The following NAALADL2 variants were observed in gnomAD, a reference collection of about 807,000 sequenced individuals.
The protein encoded by NAALADL2 is inactive N-acetylated-alpha-linked acidic dipeptidase-like protein 2.
In NAALADL2, 76 loss-of-function variants were observed where a neutral mutation model predicts 87.2. The ratio of observed to expected loss-of-function variants is 0.87; its 90% confidence interval spans 0.72 to 1.05. NAALADL2 has a LOEUF of 1.05. NAALADL2 is among the 50% of genes least tolerant of loss of function. The pLI is 0.00. For missense variants in NAALADL2, 1,089 were observed against 945.8 expected (o/e 1.15, Z -1.99); for synonymous variants, 354 against 331.0 (o/e 1.07, Z -0.75).
chr3:174,983,896 A>G (rs567310053), intron 1 of NAALADL2, among the ~76,000 whole-genome samples: 1 of 152,340 alleles, frequency 6.6e-6, no homozygotes, highest in Admixed American at 6.5e-5. Context: ...GCAAGGCCCA[A>G]AGATGTCAAA....
intron 1 of NAALADL2, among the ~76,000 whole-genome samples, chr3:174,461,556 G>A (rs1716216054): frequency 6.6e-6 from 1 of 151,944 alleles, no homozygotes; most frequent in African/African-American, 2.4e-5. Flanking sequence ...GAAGTAGATT[G>A]CTATTCAAAA....
At chr3:175,356,823 G>A (rs562544151) in intron 5 of NAALADL2, among the ~76,000 whole-genome samples, 11 of 152,102 alleles carry the variant, frequency 7.2e-5, no homozygotes, top group Middle Eastern at 3.4e-3. Context: ...ACCTGTAACA[G>A]GTGTAAGTTC....
In NAALADL2 at chr3:175,707,031, G is replaced by A. The variant is rs543547993; in HGVS notation, c.1897-30275G>A. 9.7e-4 allele frequency among the ~76,000 whole-genome samples: 147 copies of A among 152,130 alleles called. 1 individual carries two copies. Among genetic ancestry groups the A allele is most frequent in the African/African-American group, 3.4e-3 (142 of 41,508 alleles). ...AGTTTGGCATTATAGTTTTTTATTG[G>A]CCAGAAATTTTGCTGGTAGTTGAGC... On this transcript the variant is annotated intron_variant, in intron 11 of 13. Transcript: ENST00000454872.
intron 9 of NAALADL2, among the ~76,000 whole-genome samples, chr3:175,544,631 A>G (rs4243411): frequency 0.89 from 135,472 of 152,204 alleles, 60,490 homozygotes; most frequent in Middle Eastern, 0.94. Flanking sequence ...ATTGGAACTC[A>G]AAAGATCAGA....
At chr3:174,457,630 C>G (rs1287478631) in intron 1 of NAALADL2, among the ~76,000 whole-genome samples, 3 of 152,070 alleles carry the variant, frequency 2.0e-5, no homozygotes, top group Admixed American at 6.6e-5. Flanking sequence ...TTAAGACCAG[C>G]CTGGCCAATG....
intron 13 of NAALADL2, among the ~76,000 whole-genome samples, chr3:175,774,636 C>G (rs982046664): frequency 2.6e-5 from 4 of 151,750 alleles, no homozygotes; most frequent in Admixed American, 1.3e-4. Flanking sequence ...AAAAAATACC[C>G]TGTGGTTGTG....
intron 10 of NAALADL2, among the ~76,000 whole-genome samples, chr3:175,604,729 A>G (rs1277996023): frequency 6.6e-6 from 1 of 152,212 alleles, no homozygotes; most frequent in Non-Finnish European, 1.5e-5. Context: ...CACTATCTAT[A>G]TAATGCTCAG....
chr3:175,026,247 A>G (rs1752207665), intron 1 of NAALADL2, among the ~76,000 whole-genome samples: 1 of 152,098 alleles, frequency 6.6e-6, no homozygotes, highest in African/African-American at 2.4e-5. Context: ...ACACATGTCT[A>G]GGCATATTTT....
chr3:175,674,398 TA>T (rs1346513310), intron 11 of NAALADL2, among the ~76,000 whole-genome samples: 1 of 152,036 alleles, frequency 6.6e-6, no homozygotes, highest in East Asian at 1.9e-4. Flanking sequence ...TAGCTGGGAC[TA>T]CGGATGCACA....
intron 2 of NAALADL2, among the ~76,000 whole-genome samples, chr3:174,569,048 TA>T (rs1403793988): frequency 6.6e-6 from 1 of 151,630 alleles, no homozygotes; most frequent in East Asian, 1.9e-4. Flanking sequence ...TATGGCCTAA[TA>T]ATGAATTTTT....
chr3:175,371,862 A>C (rs2148952542), intron 5 of NAALADL2, among the ~76,000 whole-genome samples: 1 of 152,152 alleles, frequency 6.6e-6, no homozygotes, highest in East Asian at 1.9e-4. Flanking sequence ...TTCATCTTTC[A>C]AAATCTGTAA....
At chr3:175,399,559 G>C (rs1275308279) in intron 5 of NAALADL2, among the ~76,000 whole-genome samples, 4 of 152,068 alleles carry the variant, frequency 2.6e-5, no homozygotes, top group African/African-American at 9.7e-5. Flanking sequence ...TCCTGATGTT[G>C]CCATGGCATT....
chr3:175,217,364 G>A (rs540740596), intron 2 of NAALADL2, among the ~76,000 whole-genome samples: 15 of 152,252 alleles, frequency 9.9e-5, no homozygotes, highest in African/African-American at 3.6e-4. Context: ...AAAAATATCA[G>A]GCAAAAGAAG....
chr3:175,365,991 G>A (rs1765507543), intron 5 of NAALADL2, among the ~76,000 whole-genome samples: 2 of 136,938 alleles, frequency 1.5e-5, no homozygotes, highest in South Asian at 5.3e-4. Context: ...TTTAGCATTA[G>A]GTATATCTCC....
intron 3 of NAALADL2, among the ~76,000 whole-genome samples, chr3:174,795,111 C>G (rs932551992): frequency 2.0e-5 from 3 of 150,732 alleles, no homozygotes; most frequent in African/African-American, 7.3e-5. Flanking sequence ...CCTGCCTCAG[C>G]CTCCCGAGTA....
intron 9 of NAALADL2, among the ~76,000 whole-genome samples, chr3:175,533,558 A>G (rs1734388115): frequency 6.6e-6 from 1 of 152,188 alleles, no homozygotes; most frequent in African/African-American, 2.4e-5. Flanking sequence ...CTGGCAAAAA[A>G]TGCTCATCAG....
At chr3:175,659,098 T>C (rs1011220226) in intron 11 of NAALADL2, among the ~76,000 whole-genome samples, 1 of 152,202 alleles carries the variant, frequency 6.6e-6, no homozygotes, top group African/African-American at 2.4e-5. Context: ...AAATATTTGT[T>C]GCTTTGTCTG....
chr3:174,956,909 A>G (rs910495228), intron 1 of NAALADL2, among the ~76,000 whole-genome samples: 1 of 152,050 alleles, frequency 6.6e-6, no homozygotes, highest in African/African-American at 2.4e-5. Context: ...GGAAATGATG[A>G]AAGAGAACTT....
At chr3:175,703,879 C>A (rs576974914) in intron 11 of NAALADL2, among the ~76,000 whole-genome samples, 52 of 152,202 alleles carry the variant, frequency 3.4e-4, no homozygotes, top group African/African-American at 1.2e-3. Context: ...TCTTAAAATG[C>A]ATTCGTTCAT....
Sources: gnomAD v4.1 joint callset for allele counts (sites outside exome capture counted in the v4.1 genomes callset) on GRCh38, gnomAD v4.1.1 for gene constraint, MANE v1.5 for transcripts, NCBI Gene and HGNC (gene_info 2026-07-23, HGNC 2026-07-21) for gene names.